Variants in CCDC178 observed in about 807,000 individuals in gnomAD.
CCDC178 encodes the protein coiled-coil domain-containing protein 178.
A neutral mutation model predicts 117.4 loss-of-function variants in CCDC178; 126 were observed. The ratio of observed to expected loss-of-function variants is 1.07; its 90% CI spans 0.93 to 1.24. CCDC178 has a LOEUF of 1.24. CCDC178 is among the 50% of genes most tolerant of loss of function. The probability of loss-of-function intolerance (pLI) is 0.00; values close to 1 mark genes in which losing one functional copy is unlikely to be tolerated. For missense variants in CCDC178, 1,030 were observed against 986.9 expected (o/e 1.04, Z -0.59); for synonymous variants, 283 against 313.4 (o/e 0.90, Z 1.02).
intron 20 of CCDC178, 62 bp downstream of exon 20, chr18:33,211,834 A>G (rs1165872390): frequency 2.2e-6 from 3 of 1,387,028 alleles, no homozygotes; most frequent in African/African-American, 3.0e-5. Context: ...GTCTCAAACT[A>G]GCTGCTAATT....
intron 21 of CCDC178, among the ~76,000 whole-genome samples, chr18:33,079,183 C>A (rs995532464): frequency 1.3e-5 from 2 of 151,916 alleles, no homozygotes; most frequent in Admixed American, 6.6e-5. Context: ...CAGAAAGGAC[C>A]CCCTATTCAA....
chr18:33,070,327 A>T (rs889278503), intron 21 of CCDC178, among the ~76,000 whole-genome samples: 5 of 152,222 alleles, frequency 3.3e-5, no homozygotes, highest in African/African-American at 1.2e-4. Flanking sequence ...TCTACACAAT[A>T]GAATACTATT....
At chr18:33,103,693 G>C (rs1156999713) in intron 20 of CCDC178, among the ~76,000 whole-genome samples, 1 of 151,630 alleles carries the variant, frequency 6.6e-6, no homozygotes, top group African/African-American at 2.4e-5. Context: ...TTGCCCAAAT[G>C]TGTCTACCCC....
chr18:33,424,445 C>G (rs1007649507), intron 2 of CCDC178, among the ~76,000 whole-genome samples: 2 of 152,186 alleles, frequency 1.3e-5, no homozygotes, highest in Admixed American at 1.3e-4. Flanking sequence ...CTGCGTGACT[C>G]AGCTGGATTG....
chr18:32,983,404 G>A (rs887926996), intron 21 of CCDC178: 18 of 1,073,100 alleles, frequency 1.7e-5, no homozygotes, highest in African/African-American at 9.6e-5. Context: ...TCAGAAGTCC[G>A]TATTTCCTAT....
intron 5 of CCDC178, among the ~76,000 whole-genome samples, chr18:33,388,941 G>C (rs1568194751): frequency 6.6e-6 from 1 of 152,028 alleles, no homozygotes; most frequent in Non-Finnish European, 1.5e-5. Context: ...TGAACAATGA[G>C]AGCACGTGGA....
rs60997290 is a variant in CCDC178, at chr18:33,202,391, TAAAAAAAAAAAAAAAA to T, written c.2238+9489_2238+9504del. Among the ~76,000 whole-genome samples the T allele has an allele frequency of 1.5e-4, 3 of 20,258 alleles. No individual in the cohort carries two copies. The East Asian group carries it at 6.7e-3, about 45-fold the overall frequency. 13.3% of individuals were successfully genotyped at this position (20,258 alleles called of 152,430 possible). On this transcript the variant is annotated intron_variant, in intron 20 of 22. Coordinates refer to ENST00000383096, the MANE Select transcript of CCDC178 (RefSeq NM_001105528.4). ...CTGGCAACAGAGCAAGACTCCATCT[TAAAAAAAAAAAAAAAA>T]AAAAAAAAAAAAAAAAGGATCTACT...
chr18:33,045,121 G>A (rs1361819287), intron 21 of CCDC178, among the ~76,000 whole-genome samples: 4 of 151,944 alleles, frequency 2.6e-5, no homozygotes, highest in African/African-American at 7.3e-5. Context: ...TGTAAGAAAT[G>A]CATATGTATG....
chr18:33,038,795 T>C (rs950802062), intron 21 of CCDC178, among the ~76,000 whole-genome samples: 1 of 151,930 alleles, frequency 6.6e-6, no homozygotes, highest in African/African-American at 2.4e-5. Flanking sequence ...GTAGACGAAG[T>C]GACAATAGGA....
intron 21 of CCDC178, among the ~76,000 whole-genome samples, chr18:33,079,722 A>G (rs77848532): frequency 1.3e-5 from 2 of 152,202 alleles, no homozygotes; most frequent in African/African-American, 2.4e-5. Flanking sequence ...CAAAACTACA[A>G]TGAGATACCA....
chr18:32,966,287 A>G (rs1381395747), intron 22 of CCDC178, among the ~76,000 whole-genome samples: 5 of 151,780 alleles, frequency 3.3e-5, no homozygotes, highest in Non-Finnish European at 7.4e-5. Flanking sequence ...TCTTTGTTCC[A>G]GTGAGCAGCT....
chr18:33,114,071 G>A (rs182809170), intron 20 of CCDC178, among the ~76,000 whole-genome samples: 1 of 152,022 alleles, frequency 6.6e-6, no homozygotes, highest in East Asian at 1.9e-4. Flanking sequence ...ACTATCATAG[G>A]AGATTGACAA....
intron 2 of CCDC178, among the ~76,000 whole-genome samples, chr18:33,416,194 G>A (rs1232346458): frequency 6.6e-6 from 1 of 152,160 alleles, no homozygotes; most frequent in East Asian, 1.9e-4. Context: ...TTGGGAGGCC[G>A]AGGCGGGTGG....
intron 21 of CCDC178, among the ~76,000 whole-genome samples, chr18:33,033,151 C>T (rs977365912): frequency 6.6e-6 from 1 of 151,752 alleles, no homozygotes; most frequent in Admixed American, 6.6e-5. Context: ...ATTATGATTA[C>T]AAATAAAAGA....
chr18:33,299,335 A>AGAAT (rs914348712), intron 11 of CCDC178, among the ~76,000 whole-genome samples: 8 of 152,168 alleles, frequency 5.3e-5, no homozygotes, highest in African/African-American at 1.9e-4. Flanking sequence ...AAAGACAGAA[A>AGAAT]GAATACACTT....
chr18:33,071,717 G>A (rs1056888718), intron 21 of CCDC178, among the ~76,000 whole-genome samples: 5 of 152,054 alleles, frequency 3.3e-5, no homozygotes, highest in Non-Finnish European at 7.4e-5. Flanking sequence ...GATGCACAAC[G>A]TGCTTGAATG....
At chr18:33,110,357 T>G (rs2057764405) in intron 20 of CCDC178, among the ~76,000 whole-genome samples, 1 of 151,638 alleles carries the variant, frequency 6.6e-6, no homozygotes, top group Non-Finnish European at 1.5e-5. Context: ...TTTTTATTCT[T>G]CAATGGTGTC....
chr18:33,100,624 T>C (rs1026866879), intron 20 of CCDC178, among the ~76,000 whole-genome samples: 2 of 152,000 alleles, frequency 1.3e-5, no homozygotes, highest in African/African-American at 4.8e-5. Context: ...ATATTTCATA[T>C]AAGAGCTCTG....
chr18:33,435,382 T>C (rs2064274574), intron 2 of CCDC178, among the ~76,000 whole-genome samples: 1 of 152,152 alleles, frequency 6.6e-6, no homozygotes, highest in African/African-American at 2.4e-5. Flanking sequence ...CAGTGTTGTT[T>C]TAGAGCATGT....
Sources: allele counts gnomAD v4.1 joint callset (sites outside exome capture counted in the v4.1 genomes callset), GRCh38; gene constraint gnomAD v4.1.1; transcripts MANE v1.5; gene names NCBI Gene and HGNC (gene_info 2026-07-23, HGNC 2026-07-21).